The following CEP104 variants were observed in gnomAD, a reference collection of about 807,000 sequenced individuals.
CEP104 encodes the protein centrosomal protein of 104 kDa.
CEP104 carries 84 observed loss-of-function variants against 113.3 expected under a neutral mutation model. The ratio of observed to expected loss-of-function variants is 0.74; its 90% CI spans 0.62 to 0.89. The LOEUF (loss-of-function observed/expected upper bound fraction) is 0.89, where lower values mean the gene tolerates loss of function less well. Among genes scored for constraint, CEP104 ranks in the 40% least tolerant of loss-of-function variants. CEP104 has a pLI of 0.00. For synonymous variants in CEP104, 378 were observed against 421.7 expected, an observed-to-expected ratio of 0.90 and a Z score of 1.27; for missense variants, 1,053 against 1,156.6, an observed-to-expected ratio of 0.91 and a Z score of 1.30.
At position 3,839,048 on chromosome 1, in the gene CEP104, G is replaced by C. The variant is rs751582915; in HGVS notation, c.807C>G (p.Ala269=). Residue 269 remains alanine, a synonymous_variant, in exon 8 of 22, where the codon GCC becomes GCG. Transcript: ENST00000378230. ...CAVEKEDYDL[A]KEKKQQMEQY... is the part of the protein sequence containing the mutation. ...GCTCCATCTGCTGCTTCTTCTCCTT[G>C]GCGAGATCGTAGTCTTCCTTCTCCA... The C allele has an allele frequency of 6.2e-7, 1 of 1,613,998 alleles. No individual in the cohort carries two copies. Among genetic ancestry groups the C allele is most frequent in the Non-Finnish European group, 8.5e-7 (1 of 1,179,984 alleles).
intron 1 of CEP104, among the ~76,000 whole-genome samples, chr1:3,856,603 G>A (rs1306624199): frequency 6.6e-6 from 1 of 152,246 alleles, no homozygotes; most frequent in East Asian, 1.9e-4. Flanking sequence ...AGGAAAAGCC[G>A]GATCTGAAAA....
intron 2 of CEP104, among the ~76,000 whole-genome samples, chr1:3,849,877 C>T (rs6683156): frequency 0.33 from 49,944 of 151,796 alleles, 9,772 homozygotes; most frequent in Admixed American, 0.45. Flanking sequence ...ACCAAGACAA[C>T]CGGCAAAGCT....
At chr1:3,849,676 A>G (rs16824230) in intron 2 of CEP104, among the ~76,000 whole-genome samples, 36,565 of 152,182 alleles carry the variant, frequency 0.24, 4,709 homozygotes, top group African/African-American at 0.27. Context: ...TTGGGAAACC[A>G]AGCAACTTTT....
chr1:3,848,054 T>C (rs1003267306), intron 3 of CEP104, among the ~76,000 whole-genome samples: 5 of 152,172 alleles, frequency 3.3e-5, no homozygotes, highest in African/African-American at 7.2e-5. Flanking sequence ...AGATTGGTCA[T>C]CTAATTAGCA....
chr1:3,841,302 C>T (rs1044695460), intron 6 of CEP104, among the ~76,000 whole-genome samples: 1 of 151,794 alleles, frequency 6.6e-6, no homozygotes, highest in Non-Finnish European at 1.5e-5. Flanking sequence ...CTGGCATCTC[C>T]CCACCCTTGA....
At chr1:3,836,732 C>A in intron 9 of CEP104, 40 bp from the exon 10 acceptor site, 1 of 1,583,296 alleles carries the variant, frequency 6.3e-7, no homozygotes, top group South Asian at 1.1e-5. Context: ...CTGGGGAGCT[C>A]CATAGGTCAC....
chr1:3,818,255 T>C (rs1336568935), intron 20 of CEP104, among the ~76,000 whole-genome samples: 2 of 152,144 alleles, frequency 1.3e-5, no homozygotes, highest in Admixed American at 1.3e-4. Context: ...TTTAGAAGAG[T>C]GCTCCCAGTA....
intron 1 of CEP104, among the ~76,000 whole-genome samples, chr1:3,856,375 G>A (rs4648349): frequency 6.6e-6 from 1 of 152,050 alleles, no homozygotes; most frequent in Non-Finnish European, 1.5e-5. Flanking sequence ...GAGCGAGACC[G>A]TCTCAAAGGC....
At chr1:3,851,469 G>A (rs543026587) in intron 2 of CEP104, among the ~76,000 whole-genome samples, 109 of 152,260 alleles carry the variant, frequency 7.2e-4, no homozygotes, top group Non-Finnish European at 1.3e-3. Flanking sequence ...AGGCTTGAAA[G>A]CAAGTCATGA....
intron 20 of CEP104, among the ~76,000 whole-genome samples, chr1:3,817,234 C>T (rs1212091138): frequency 6.6e-6 from 1 of 152,154 alleles, no homozygotes; most frequent in Admixed American, 6.6e-5. Context: ...CCCAGCTACT[C>T]AGGAGGCTGA....
rs1644092543 is a variant in CEP104 at position 3,826,410 on chromosome 1, C to T, written c.2215G>A (p.Ala739Thr). The T allele has an allele frequency of 6.2e-7, 1 of 1,613,896 alleles. No individual in the cohort carries two copies. The highest frequency in any genetic ancestry group is 1.7e-5 in the Admixed American group (1 of 60,008). The part of the protein sequence containing the change: ...QDIQGGKAAP[A>T]EALGIPDEHY... ...TCATCCGGGATTCCCAGAGCTTCAG[C>T]AGGGGCTGCTTTCCCTCCTTGAATG... Residue 739 changes from alanine to threonine, a missense_variant, in exon 17 of 22, where the codon GCT becomes ACT. Coordinates refer to ENST00000378230, the MANE Select transcript of CEP104 (RefSeq NM_014704.4).
At chr1:3,839,290 G>A (rs1418717749) in intron 7 of CEP104, among the ~76,000 whole-genome samples, 171 bp from the exon 8 acceptor site, 1 of 152,126 alleles carries the variant, frequency 6.6e-6, no homozygotes, top group Non-Finnish European at 1.5e-5. Context: ...GTTGCTGTAT[G>A]GGCATTTAAT....
intron 3 of CEP104, 77 bp downstream of exon 3, chr1:3,848,531 C>CAAA (rs371141201): frequency 0.012 from 10,888 of 893,578 alleles, 94 homozygotes; most frequent in East Asian, 0.016. Flanking sequence ...GACTCCATCT[C>CAAA]AAAAAAAAAA....
intron 9 of CEP104, chr1:3,836,941 C>T (rs1644326326): frequency 7.7e-6 from 4 of 521,296 alleles, no homozygotes; most frequent in African/African-American, 3.8e-5. Context: ...AGGTAGATTC[C>T]ACCTCAATGA....
intron 6 of CEP104, among the ~76,000 whole-genome samples, chr1:3,842,162 G>A (rs140376444): frequency 0.011 from 1,748 of 152,254 alleles, 35 homozygotes; most frequent in African/African-American, 0.04. Context: ...ATTTTGGCTC[G>A]CTGCAAGCTC....
chr1:3,841,266 C>T (rs1409490810), intron 6 of CEP104, among the ~76,000 whole-genome samples: 3 of 152,008 alleles, frequency 2.0e-5, no homozygotes, highest in African/African-American at 4.8e-5. Flanking sequence ...AGGAATAGGC[C>T]CCCTTTAAGC....
In CEP104 at chr1:3,819,936, A is replaced by G. The variant is rs752847635; in HGVS notation, c.2571+3238T>C. The stretch of plus-strand genomic sequence containing the variant: ...AGTGGCTCCGGGTTGACAGCCCCCA[A>G]GAACATATTACTGCCAGCTGCTGGG... On this transcript the variant is annotated intron_variant, in intron 20 of 21. Transcript: ENST00000378230. The surrounding 1 kb of genome is among the most constrained non-coding windows in gnomAD (Gnocchi z 4.6). Among the ~76,000 whole-genome samples, 4 of 152,150 alleles carry G rather than the reference A, an allele frequency of 2.6e-5. No individual in the cohort carries two copies. Among genetic ancestry groups the G allele is most frequent in the Non-Finnish European group, 5.9e-5 (4 of 68,008 alleles).
Position 3,815,129 on chromosome 1 carries a change from T to C in CEP104, c.*273A>G. On this transcript the variant is annotated 3_prime_UTR_variant, in exon 22 of 22. Coordinates refer to ENST00000378230, the MANE Select transcript of CEP104 (RefSeq NM_014704.4). ...GGCTCTCTCCAAACAGGACGCTTCC[T>C]TCTCTGATTCTAAGGAAGGCCTGAG... 1 of 445,940 alleles carries C rather than the reference T, an allele frequency of 2.2e-6. No individual in the cohort carries two copies. Among genetic ancestry groups the C allele is most frequent in the Non-Finnish European group, 4.0e-6 (1 of 247,924 alleles). 27.6% of individuals were successfully genotyped at this position (445,940 alleles called of 1,614,324 possible). A position where few individuals can be genotyped will look rare whatever the true frequency, so the allele number is the denominator to read the frequency against.
intron 4 of CEP104, among the ~76,000 whole-genome samples, chr1:3,846,192 C>T (rs1000761890): frequency 1.3e-5 from 2 of 151,962 alleles, no homozygotes; most frequent in Admixed American, 1.3e-4. Flanking sequence ...GTATGGAGCT[C>T]ATCTTTGAAG....
Sources: allele counts gnomAD v4.1 joint callset (sites outside exome capture counted in the v4.1 genomes callset), GRCh38; gene constraint gnomAD v4.1.1; non-coding constraint Gnocchi (gnomAD v3.1); transcripts MANE v1.5; gene names NCBI Gene and HGNC (gene_info 2026-07-23, HGNC 2026-07-21).